Variants in XXYLT1 observed in about 807,000 individuals in gnomAD.
The protein encoded by XXYLT1 is xyloside xylosyltransferase 1.
A neutral mutation model predicts 28.9 loss-of-function variants in XXYLT1; 20 were observed. The observed-to-expected ratio is 0.69, with a 90% CI of 0.49 to 1.00. The LOEUF (loss-of-function observed/expected upper bound fraction) is 1.00. XXYLT1 is among the 50% of genes least tolerant of loss of function. The probability of loss-of-function intolerance (pLI) is 0.00; values close to 1 mark genes in which losing one functional copy is unlikely to be tolerated. For synonymous variants in XXYLT1, 257 were observed against 253.8 expected (o/e 1.01, Z -0.12); for missense variants, 542 against 560.1 (o/e 0.97, Z 0.33).
intron 3 of XXYLT1, among the ~76,000 whole-genome samples, chr3:195,091,549 T>C (rs1450256120): frequency 7.2e-5 from 2 of 27,830 alleles, no homozygotes; most frequent in Admixed American, 4.4e-4. Flanking sequence ...GAGCTATCTA[T>C]GACAAACCCA....
At chr3:195,190,511 A>C (rs1722375580) in intron 2 of XXYLT1, among the ~76,000 whole-genome samples, 1 of 151,566 alleles carries the variant, frequency 6.6e-6, no homozygotes, top group Admixed American at 6.6e-5. Flanking sequence ...AAAAAAAAAA[A>C]AAAAAAAACT....
At position 195,226,573 on chromosome 3, in the gene XXYLT1, T is replaced by C. The variant is rs573576377; in HGVS notation, c.652+136A>G. 3,141 of 1,126,192 alleles carry C rather than the reference T, an allele frequency of 2.8e-3. 3 individuals are homozygous for C. The highest frequency in any genetic ancestry group is 3.4e-3 in the Non-Finnish European group (2,817 of 834,434). The allele number at this position is 1,126,192 out of a possible 1,614,324, so 69.8% of individuals were successfully genotyped here. On this transcript the variant is annotated intron_variant, in intron 2 of 3. Transcript: ENST00000310380. ...AAGCTCGGTGGTACAAAGGGCTTGG[T>C]CTGGCTCCCTCGTCCACTCTTTCAT...
intron 2 of XXYLT1, among the ~76,000 whole-genome samples, chr3:195,163,113 T>C (rs1256337118): frequency 6.6e-6 from 1 of 152,240 alleles, no homozygotes; most frequent in Non-Finnish European, 1.5e-5. Flanking sequence ...AACAGGCTTT[T>C]TTTCAGAGAC....
rs1341402371 is a variant in XXYLT1 at position 195,077,522 on chromosome 3, C to T, written c.786-7411G>A. ...GGCTCCTCAGCGATCAGCCCTCGTC[C>T]ACCCAGCCAGCCTCCTGGAGTCTGG... On this transcript the variant is annotated intron_variant, in intron 3 of 3. Coordinates refer to ENST00000310380, the MANE Select transcript of XXYLT1 (RefSeq NM_152531.5). This position sits in a 1 kb window ranked among gnomAD's most constrained non-coding sequence, Gnocchi z 4.8. Among the ~76,000 whole-genome samples, 1 of 152,216 alleles carries T rather than the reference C, an allele frequency of 6.6e-6. No homozygotes were observed.
intron 3 of XXYLT1, among the ~76,000 whole-genome samples, chr3:195,110,273 T>TGTGTGTGGTGTGTGCGTGTGTATGTA (rs1717496155): frequency 1.5e-4 from 1 of 6,770 alleles, no homozygotes; most frequent in African/African-American, 6.8e-4. Context: ...GGGTGTGTGG[T>TGTGTGTGGTGTGTGCGTGTGTATGTA]GTGTGTGGGG....
chr3:195,103,685 T>A (rs1367141221), intron 3 of XXYLT1, among the ~76,000 whole-genome samples: 1 of 152,040 alleles, frequency 6.6e-6, no homozygotes, highest in Admixed American at 6.5e-5. Context: ...TTAGAATCCA[T>A]CAAGGGGAAG....
Position 195,185,078 on chromosome 3 carries a change from AGAAGGAAGAAGGAAG to A in XXYLT1, c.653-28512_653-28498del, listed in dbSNP as rs1302670512. On this transcript the variant is annotated intron_variant, in intron 2 of 3. Coordinates refer to ENST00000310380, the MANE Select transcript of XXYLT1 (RefSeq NM_152531.5). The stretch of plus-strand genomic sequence containing the variant: ...TCCCATTAAAGAAAAAAGGAAGGAA[AGAAGGAAGAAGGAAG>A]GAAGGAAGGAAGGAAGGAAGGAAGG... 7.6e-5 allele frequency among the ~76,000 whole-genome samples: 9 copies of A among 118,586 alleles called. No homozygotes were observed. In the East Asian group the frequency reaches 1.6e-3, roughly 21 times the overall value. 77.8% of individuals were successfully genotyped at this position (118,586 alleles called of 152,430 possible).
intron 2 of XXYLT1, among the ~76,000 whole-genome samples, chr3:195,225,731 G>A (rs1166496858): frequency 6.6e-6 from 1 of 151,824 alleles, no homozygotes; most frequent in Non-Finnish European, 1.5e-5. Flanking sequence ...ATGTGGTGGG[G>A]GGGACCTGGT....
At chr3:195,268,706 C>G (rs891334806) in intron 1 of XXYLT1, among the ~76,000 whole-genome samples, 2 of 152,190 alleles carry the variant, frequency 1.3e-5, no homozygotes, top group African/African-American at 4.8e-5. Context: ...ACCCTCACCC[C>G]TCAACAGAGG....
chr3:195,088,308 G>C (rs559645825), intron 3 of XXYLT1, among the ~76,000 whole-genome samples: 44 of 150,020 alleles, frequency 2.9e-4, no homozygotes, highest in Admixed American at 1.5e-3. Context: ...GAAGAGAGCA[G>C]TGGTTCTCCC....
chr3:195,165,850 G>C (rs1332501320), intron 2 of XXYLT1, among the ~76,000 whole-genome samples: 4 of 152,006 alleles, frequency 2.6e-5, no homozygotes, highest in African/African-American at 9.7e-5. Flanking sequence ...AGATAATTAA[G>C]TCCCTATATC....
chr3:195,086,432 A>G (rs192286929), intron 3 of XXYLT1, among the ~76,000 whole-genome samples: 2 of 152,178 alleles, frequency 1.3e-5, no homozygotes, highest in South Asian at 4.1e-4. Context: ...CCCTGTCTCC[A>G]TGCATGTGAA....
chr3:195,164,902 GT>G (rs1345460506), intron 2 of XXYLT1, among the ~76,000 whole-genome samples: 4 of 152,144 alleles, frequency 2.6e-5, no homozygotes, highest in African/African-American at 9.6e-5. Context: ...GATGGAGTCC[GT>G]TATGGGAAGT....
chr3:195,121,120 G>A (rs751025580), intron 3 of XXYLT1, among the ~76,000 whole-genome samples: 30 of 152,180 alleles, frequency 2.0e-4, no homozygotes, highest in Non-Finnish European at 4.0e-4. Flanking sequence ...ACAGCACACC[G>A]GCCATGCCCT....
intron 3 of XXYLT1, among the ~76,000 whole-genome samples, chr3:195,154,280 A>G (rs1434442781): frequency 6.6e-6 from 1 of 152,166 alleles, no homozygotes; most frequent in Non-Finnish European, 1.5e-5. Context: ...CTTCCTGGTA[A>G]GATTTCAGGA....
rs1576989318 is a variant in XXYLT1, at chr3:195,069,493, C to A, written c.*222G>T. On this transcript the variant is annotated 3_prime_UTR_variant, in exon 4 of 4. Transcript: ENST00000310380. ...ACATGCGTGTCCTTTGTGTCGCCTG[C>A]TCCCTGGAGGAATAAGGTCCCAAGC... 1 of 593,896 alleles carries A rather than the reference C, an allele frequency of 1.7e-6. No individual in the cohort carries two copies. Among genetic ancestry groups the A allele is most frequent in the East Asian group, 2.9e-5 (1 of 34,736 alleles). The allele number at this position is 593,896 out of a possible 1,614,324, so 36.8% of individuals were successfully genotyped here.
Position 195,180,686 on chromosome 3 carries a change from A to G in XXYLT1, c.653-24105T>C, listed in dbSNP as rs927381430. Among the ~76,000 whole-genome samples the G allele has an allele frequency of 1.3e-5, 2 of 152,132 alleles. No homozygotes were observed. Among genetic ancestry groups the G allele is most frequent in the Non-Finnish European group, 2.9e-5 (2 of 68,022 alleles). On this transcript the variant is annotated intron_variant, in intron 2 of 3. Transcript: ENST00000310380. This position sits in a 1 kb window ranked among gnomAD's most constrained non-coding sequence, Gnocchi z 5.8. The stretch of plus-strand genomic sequence containing the variant: ...ACGTGACCAGGAACATGGGTCTGAC[A>G]GCTCTGGACACACACAAGCAGACGG...
rs376088495 is a variant in XXYLT1, at chr3:195,070,039, C to T, written c.858G>A (p.Pro286=). 1.9e-5 allele frequency: 31 copies of T among 1,601,106 alleles called. No individual in the cohort carries two copies. Among genetic ancestry groups the T allele is most frequent in the Admixed American group, 1.2e-4 (7 of 59,914 alleles). The change falls in exon 4 of 4, where the codon CCG becomes CCA. Residue 286 remains proline (P), a synonymous_variant. Coordinates refer to ENST00000310380, the MANE Select transcript of XXYLT1 (RefSeq NM_152531.5). The stretch of plus-strand genomic sequence containing the variant: ...GCAACATCACCCCGCTGTTGAAGCC[C>T]GGCAGCCCCTCGGGGGGCGGGCCCC... ...RVGGPPPEGL[P]GFNSGVMLLN...
intron 3 of XXYLT1, among the ~76,000 whole-genome samples, chr3:195,098,711 G>T (rs368501446): frequency 6.6e-6 from 1 of 152,246 alleles, no homozygotes; most frequent in African/African-American, 2.4e-5. Flanking sequence ...TGCAGAGCCC[G>T]TCATCAGAAG....
Sources: allele counts gnomAD v4.1 joint callset (sites outside exome capture counted in the v4.1 genomes callset), GRCh38; gene constraint gnomAD v4.1.1; non-coding constraint Gnocchi (gnomAD v3.1); transcripts MANE v1.5; gene names NCBI Gene and HGNC (gene_info 2026-07-23, HGNC 2026-07-21).